Variants in ALG12 observed in about 807,000 individuals in gnomAD.
ALG12 encodes ALG12 alpha-1,6-mannosyltransferase.
A neutral mutation model predicts 46.0 loss-of-function variants in ALG12; 36 were observed. That is an observed-to-expected ratio of 0.78 (90% confidence interval 0.60 to 1.03). The LOEUF (loss-of-function observed/expected upper bound fraction) is 1.03, where lower values mean the gene tolerates loss of function less well. ALG12 is among the 50% of genes least tolerant of loss of function. The pLI, the probability that ALG12 is intolerant of heterozygous loss-of-function variation, is 0.00. For synonymous variants in ALG12, 326 were observed against 291.6 expected (o/e 1.12, Z -1.20); for missense variants, 599 against 633.5 (o/e 0.95, Z 0.58).
the ALG12 span, among the ~76,000 whole-genome samples, chr22:49,869,399 C>T: frequency 6.6e-6 from 1 of 152,308 alleles, no homozygotes; most frequent in South Asian, 2.1e-4. Context: ...TCCTCCAGAC[C>T]AGATTATTTC....
chr22:49,905,478 C>G lies in ALG12; in HGVS notation c.993-972G>C, dbSNP rs2060537495. On this transcript the variant is annotated intron_variant, in intron 7 of 9. Transcript: ENST00000330817. This position sits in a 1 kb window ranked among gnomAD's most constrained non-coding sequence, Gnocchi z 4.9. ...GACTGGGTCATGGAGGTGGAGCCCT[C>G]AGGAATGGATTAGCGCCATCCCCTC... Among the ~76,000 whole-genome samples, 2 of 152,174 alleles carry G rather than the reference C, an allele frequency of 1.3e-5. No individual in the cohort carries two copies. Among genetic ancestry groups the G allele is most frequent in the Admixed American group, 1.3e-4 (2 of 15,264 alleles).
chr22:49,866,160 A>G, the ALG12 span, among the ~76,000 whole-genome samples: 1 of 152,122 alleles, frequency 6.6e-6, no homozygotes, highest in East Asian at 1.9e-4. Context: ...ATTTTGTTAG[A>G]AAATAAATTA....
the ALG12 span, among the ~76,000 whole-genome samples, chr22:49,879,281 C>T: frequency 2.3e-3 from 346 of 151,460 alleles, 9 homozygotes; most frequent in African/African-American, 6.8e-3. Flanking sequence ...CGCGCCACCA[C>T]GCCGCGCTAA....
At chr22:49,912,567 C>G (rs1395887365) in intron 3 of ALG12, among the ~76,000 whole-genome samples, 1 of 152,224 alleles carries the variant, frequency 6.6e-6, no homozygotes, top group African/African-American at 2.4e-5. Context: ...CTTCAAGAAG[C>G]AGAACTGCTC....
rs2060511770 is a variant in ALG12, at chr22:49,902,034, GTGTA to G, written c.*1800_*1803del. The G allele has an allele frequency of 6.8e-6, 1 of 146,560 alleles. No individual in the cohort carries two copies. Among genetic ancestry groups the G allele is most frequent in the South Asian group, 2.2e-4 (1 of 4,622 alleles). The allele number at this position is 146,560 out of a possible 1,614,324, so 9.1% of individuals were successfully genotyped here. A position where few individuals can be genotyped will look rare whatever the true frequency, so the allele number is the denominator to read the frequency against. On this transcript the variant is annotated 3_prime_UTR_variant, in exon 10 of 10. Transcript: ENST00000330817. ...ATGGTAATGTGCACGCGTGCACTGT[GTGTA>G]TGCATGGTAACGTACACGTGTGCAC...
chr22:49,893,958 A>AT, the ALG12 span, among the ~76,000 whole-genome samples: 1 of 152,132 alleles, frequency 6.6e-6, no homozygotes, highest in African/African-American at 2.4e-5. Flanking sequence ...GAGGTCAGGA[A>AT]TTTGAGACCA....
the ALG12 span, chr22:49,886,932 G>A: frequency 6.2e-7 from 1 of 1,614,146 alleles, no homozygotes; most frequent in South Asian, 1.1e-5. This position sits in a 1 kb window ranked among gnomAD's most constrained non-coding sequence, Gnocchi z 7.7. Context: ...CGTATCTGGA[G>A]GAGGAGGTGC....
chr22:49,886,662 G>A, the ALG12 span: 170 of 1,608,696 alleles, frequency 1.1e-4, no homozygotes, highest in Middle Eastern at 3.3e-4. The surrounding 1 kb of genome is among the most constrained non-coding windows in gnomAD (Gnocchi z 7.7). Flanking sequence ...TCCACGACCC[G>A]CGGTACGTCT....
chr22:49,908,028 T>C, intron 6 of ALG12, 84 bp from the exon 7 acceptor site: 1 of 1,358,022 alleles, frequency 7.4e-7, no homozygotes. Flanking sequence ...GAGAAGACGC[T>C]TGAAGACAGT....
the ALG12 span, among the ~76,000 whole-genome samples, chr22:49,864,947 C>CCCCG: frequency 1.5e-3 from 141 of 91,778 alleles, 7 homozygotes; most frequent in South Asian, 5.7e-3. Context: ...GCCCCCCCCC[C>CCCCG]CCCCCGTGAA....
intron 1 of ALG12, among the ~76,000 whole-genome samples, chr22:49,915,250 G>A (rs573901435): frequency 3.3e-5 from 5 of 152,230 alleles, no homozygotes; most frequent in African/African-American, 9.6e-5. Flanking sequence ...GCTCATTCCC[G>A]TAATCCCAGC....
chr22:49,871,531 G>A, the ALG12 span, among the ~76,000 whole-genome samples: 30 of 152,082 alleles, frequency 2.0e-4, no homozygotes, highest in Middle Eastern at 6.8e-3. Flanking sequence ...TCTGGTAAGC[G>A]TGCAATAGCA....
chr22:49,886,901 T>G, the ALG12 span: 5 of 1,614,174 alleles, frequency 3.1e-6, no homozygotes, highest in Non-Finnish European at 4.2e-6. This position sits in a 1 kb window ranked among gnomAD's most constrained non-coding sequence, Gnocchi z 7.7. Flanking sequence ...AGAGAAAAGC[T>G]GCCTGAAGCC....
chr22:49,914,406 C>T lies in ALG12; in HGVS notation c.-78-563G>A, dbSNP rs76543540. 6.5e-3 allele frequency among the ~76,000 whole-genome samples: 983 copies of T among 152,350 alleles called. 11 individuals are homozygous for T. Among genetic ancestry groups the T allele is most frequent in the East Asian group, 0.045 (231 of 5,184 alleles). On this transcript the variant is annotated intron_variant, in intron 1 of 9. Transcript: ENST00000330817. ...GGGATGGGGCTGTGGACGCCTGCGC[C>T]GAACCCCACCCTGGGGGCTGGGAGA... is the stretch of plus-strand genomic sequence containing the variant.
chr22:49,870,215 C>G, the ALG12 span, among the ~76,000 whole-genome samples: 1 of 152,160 alleles, frequency 6.6e-6, no homozygotes, highest in African/African-American at 2.4e-5. Flanking sequence ...TTTTCCTTAT[C>G]CAGTCCACCA....
At chr22:49,883,563 T>C in the ALG12 span, 15 of 1,419,250 alleles carry the variant, frequency 1.1e-5, no homozygotes, top group Non-Finnish European at 1.4e-5. Flanking sequence ...GATGGAATTA[T>C]GACGAAAAAG....
chr22:49,914,422 G>A (rs2060598772), intron 1 of ALG12, among the ~76,000 whole-genome samples: 1 of 152,260 alleles, frequency 6.6e-6, no homozygotes, highest in Non-Finnish European at 1.5e-5. Flanking sequence ...CCACCCTGGG[G>A]GCTGGGAGAA....
the ALG12 span, among the ~76,000 whole-genome samples, chr22:49,873,561 A>G: frequency 6.6e-6 from 1 of 152,258 alleles, no homozygotes; most frequent in Non-Finnish European, 1.5e-5. Context: ...AATGTGACAC[A>G]CAGGTGGAGA....
the ALG12 span, chr22:49,885,711 G>A: frequency 6.2e-7 from 1 of 1,608,080 alleles, no homozygotes; most frequent in Non-Finnish European, 8.5e-7. Context: ...GCTTTAACAG[G>A]CTGCTTGAAT....
Sources: allele counts gnomAD v4.1 joint callset (sites outside exome capture counted in the v4.1 genomes callset), GRCh38; gene constraint gnomAD v4.1.1; non-coding constraint Gnocchi (gnomAD v3.1); transcripts MANE v1.5; gene names NCBI Gene and HGNC (gene_info 2026-07-23, HGNC 2026-07-21).